HSPG2: variants seen among roughly 807,000 people sequenced by gnomAD.
HSPG2 encodes heparan sulfate proteoglycan 2, also known as basement membrane-specific heparan sulfate proteoglycan core protein.
Under a neutral mutation model 526.6 loss-of-function variants are expected in HSPG2, and 278 were observed. That is an observed-to-expected ratio of 0.53 (90% CI 0.48 to 0.58). HSPG2 has a LOEUF of 0.58. HSPG2 is among the 20% of genes least tolerant of loss of function. The pLI, the probability that HSPG2 is intolerant of heterozygous loss-of-function variation, is 0.00. For synonymous variants in HSPG2, 2,465 were observed against 2,555.4 expected, an observed-to-expected ratio of 0.96 and a Z score of 1.07; for missense variants, 5,354 against 6,099.5, an observed-to-expected ratio of 0.88 and a Z score of 4.07.
In HSPG2 at chr1:21,852,211, G is replaced by A. The variant is rs750478663; in HGVS notation, c.6747C>T (p.Ile2249=). Reference sequence around the variant, plus strand: ...CGGCCACTGTGGAGGATGAAGACTCGATCCTGACAGGTGGGATGGGTCCTG... The same window carrying A: ...CGGCCACTGTGGAGGATGAAGACTCAATCCTGACAGGTGGGATGGGTCCTG... ...VIPGPIPPVR[I]ESSSSTVAEG... Residue 2249 remains isoleucine (I), a synonymous_variant, in exon 53 of 97, where the codon ATC becomes ATT. Transcript: ENST00000374695. 9.9e-6 allele frequency: 16 copies of A among 1,614,102 alleles called. No individual in the cohort carries two copies. Among genetic ancestry groups the A allele is most frequent in the East Asian group, 8.9e-5 (4 of 44,882 alleles).
chr1:21,878,665 T>C lies in HSPG2; in HGVS notation c.2472-2A>G. The C allele has an allele frequency of 1.9e-6, 3 of 1,613,828 alleles. No homozygotes were observed. Among genetic ancestry groups the C allele is most frequent in the Non-Finnish European group, 2.5e-6 (3 of 1,179,750 alleles). On this transcript the variant is annotated splice_acceptor_variant, in intron 18 of 96. Transcript: ENST00000374695. LOFTEE classifies it high-confidence loss of function. ...TCCAGGAAGCAAGTGTCTGAGAATC[T>C]GCAGGTATCAAGTGGACAGGGCATG...
At chr1:21,896,519 G>A (rs1337155266) in intron 1 of HSPG2, among the ~76,000 whole-genome samples, 1 of 152,220 alleles carries the variant, frequency 6.6e-6, no homozygotes, top group Non-Finnish European at 1.5e-5. Context: ...AGGCTTCAGA[G>A]CCCAACCCTG....
Position 21,887,660 on chromosome 1 carries a change from C to A in HSPG2, c.718G>T (p.Gly240Cys), listed in dbSNP as rs772571689. 8 of 1,613,770 alleles carry A rather than the reference C, an allele frequency of 5.0e-6. No individual in the cohort carries two copies. Among genetic ancestry groups the A allele is most frequent in the Non-Finnish European group, 6.8e-6 (8 of 1,180,030 alleles). Residue 240 changes from glycine to cysteine, a missense_variant, in exon 8 of 97, where the codon GGT (glycine) becomes TGT (cysteine). Transcript: ENST00000374695. The surrounding 1 kb of genome is among the most constrained non-coding windows in gnomAD (Gnocchi z 5.0). ...DELNCEEPVL[G>C]ISPTFSLLVE... ...AGGAGAGAGAATGTGGGGCTGATAC[C>A]CAGGACTGGCTCCTCTGTGGATAGA...
chr1:21,884,866 T>A lies in HSPG2; in HGVS notation c.1408A>T (p.Lys470Ter). Residue 470 changes from lysine (K) to a stop codon, truncating the protein, a stop_gained, in exon 12 of 97, where the codon AAG becomes TAG. Transcript: ENST00000374695. LOFTEE classifies it high-confidence loss of function. ...GRGTLIIRDVKESDQGAYTCE... is the reference protein window; with the variant it reads ...GRGTLIIRDV ...GTGTAGGCACCCTGGTCTGACTCCTTCACATCACGGATGATCAGTGTGCCA... is the reference window on the plus strand; with the variant it reads ...GTGTAGGCACCCTGGTCTGACTCCTACACATCACGGATGATCAGTGTGCCA... 1 of 1,613,978 alleles carries A rather than the reference T, an allele frequency of 6.2e-7. No individual in the cohort carries two copies. Among genetic ancestry groups the A allele is most frequent in the Non-Finnish European group, 8.5e-7 (1 of 1,180,022 alleles).
intron 26 of HSPG2, 70 bp downstream of exon 26, chr1:21,874,821 G>T: frequency 6.6e-7 from 1 of 1,510,620 alleles, no homozygotes; most frequent in Non-Finnish European, 9.1e-7. Flanking sequence ...AGGTGTGGAG[G>T]GCTCATGGAG....
chr1:21,874,799 C>G (rs1316202141), intron 26 of HSPG2, 70 bp from the exon 27 acceptor site: 1 of 1,505,102 alleles, frequency 6.6e-7, no homozygotes, highest in African/African-American at 1.4e-5. Flanking sequence ...CACTGGATGG[C>G]CAGGGCTGGG....
rs2097992140 is a variant in HSPG2 at position 21,829,452 on chromosome 1, G to T, written c.11923C>A (p.Pro3975Thr). ...VLLFSGGKSG[P>T]VEDFVSLAMV... Reference sequence around the variant, plus strand: ...GCCAGGGACACGAAGTCCTCCACAGGCCCGCTCTTCCCCCCGCTGAACAGC... The same window carrying T: ...GCCAGGGACACGAAGTCCTCCACAGTCCCGCTCTTCCCCCCGCTGAACAGC... Residue 3975 changes from proline to threonine, a missense_variant, in exon 87 of 97, where the codon CCT (proline) becomes ACT (threonine). By Grantham distance (38) the Pro-to-Thr change is conservative. Transcript: ENST00000374695. 1.9e-5 allele frequency: 30 copies of T among 1,613,358 alleles called. No homozygotes were observed. Among genetic ancestry groups the T allele is most frequent in the Non-Finnish European group, 2.5e-5 (29 of 1,179,852 alleles).
At chr1:21,845,567 A>G (rs1396140262) in intron 64 of HSPG2, among the ~76,000 whole-genome samples, 1 of 151,950 alleles carries the variant, frequency 6.6e-6, no homozygotes, top group Non-Finnish European at 1.5e-5. Flanking sequence ...TTTAGTAGAG[A>G]TGGGGTTTCA....
rs191687773 is a variant in HSPG2 at position 21,851,574 on chromosome 1, C to T, written c.7130G>A (p.Arg2377His). The T allele has an allele frequency of 1.6e-4, 253 of 1,614,054 alleles. 1 individual carries two copies. In the East Asian group the frequency reaches 3.7e-3, roughly 23 times the overall value. ...GTGCCGGACAGGGAGGCTGCCCCCA[C>T]GCTTGTGCCACGTGACCTGGGCATG... Reference protein sequence around the residue: ...QSHAQVTWHKRGGSLPVRHQT... With the variant: ...QSHAQVTWHKHGGSLPVRHQT... Residue 2377 changes from arginine to histidine, a missense_variant, in exon 55 of 97, where the codon CGT (arginine) becomes CAT (histidine). Arg to His is a conservative substitution (Grantham distance 29). Transcript: ENST00000374695.
chr1:21,875,127 G>A, intron 25 of HSPG2, 125 bp from the exon 26 acceptor site: 1 of 748,804 alleles, frequency 1.3e-6, no homozygotes, highest in Non-Finnish European at 2.3e-6. Flanking sequence ...CTGGGGCCCT[G>A]TCCAGATCTC....
rs898285179 is a variant in HSPG2, at chr1:21,865,877, G to C, written c.4222-68C>G. 11 of 1,247,676 alleles carry C rather than the reference G, an allele frequency of 8.8e-6. No individual in the cohort carries two copies. In the African/African-American group the frequency reaches 1.5e-4, roughly 17 times the overall value. 77.3% of individuals were successfully genotyped at this position (1,247,676 alleles called of 1,614,324 possible). On this transcript the variant is annotated intron_variant, in intron 33 of 96. Coordinates refer to ENST00000374695, the MANE Select transcript of HSPG2 (RefSeq NM_005529.7). The surrounding 1 kb of genome is among the most constrained non-coding windows in gnomAD (Gnocchi z 5.4). Reference sequence around the variant, plus strand: ...TGTGAGTGTTGGACCATATAGGTGAGGGATGGAGCATCTGGCGGCCTTTTT... The same window carrying C: ...TGTGAGTGTTGGACCATATAGGTGACGGATGGAGCATCTGGCGGCCTTTTT...
chr1:21,937,233 G>GCTCT lies in HSPG2; in HGVS notation c.-20_-17dup. The GCTCT allele has an allele frequency of 3.3e-6, 3 of 896,118 alleles. No homozygotes were observed. Among genetic ancestry groups the GCTCT allele is most frequent in the Non-Finnish European group, 2.6e-6 (2 of 758,402 alleles). The allele number at this position is 896,118 out of a possible 1,614,324, so 55.5% of individuals were successfully genotyped here. A position where few individuals can be genotyped will look rare whatever the true frequency, so the allele number is the denominator to read the frequency against. On this transcript the variant is annotated 5_prime_UTR_variant, in exon 1 of 97. Coordinates refer to ENST00000374695, the MANE Select transcript of HSPG2 (RefSeq NM_005529.7). ...GCCACCCCATGGCCCGGCCCGCGCC[G>GCTCT]CTCTCTCGCTCGCTCGCTCCGCGCC...
In HSPG2 at chr1:21,839,842, G is replaced by A; in HGVS notation, c.9689C>T (p.Thr3230Ile). ...ELTVEAGHTA[T>I]LRCSATGSPA... The stretch of plus-strand genomic sequence containing the variant: ...CACACCTGTGGCTGAGCAGCGCAAG[G>A]TGGCCGTGTGTCCAGCCTCCACAGT... The change falls in exon 72 of 97, where the codon ACC (threonine) becomes ATC (isoleucine). Residue 3230 changes from threonine to isoleucine, a missense_variant. Coordinates refer to ENST00000374695, the MANE Select transcript of HSPG2 (RefSeq NM_005529.7). The surrounding 1 kb of genome is among the most constrained non-coding windows in gnomAD (Gnocchi z 4.5). The A allele has an allele frequency of 1.2e-6, 2 of 1,613,812 alleles. No individual in the cohort carries two copies. Among genetic ancestry groups the A allele is most frequent in the Non-Finnish European group, 8.5e-7 (1 of 1,180,024 alleles).
Position 21,863,775 on chromosome 1 carries a change from G to A in HSPG2, c.4740+325C>T, listed in dbSNP as rs1407595102. Among the ~76,000 whole-genome samples, 5 of 151,966 alleles carry A rather than the reference G, an allele frequency of 3.3e-5. No individual in the cohort carries two copies. In the South Asian group the frequency reaches 8.3e-4, roughly 25 times the overall value. Reference sequence around the variant, plus strand: ...TAATCCCAGCACTCTGGGAGGCCGAGGCGGGTGGGTTGCTTGAGCTCAGGA... The same window carrying A: ...TAATCCCAGCACTCTGGGAGGCCGAAGCGGGTGGGTTGCTTGAGCTCAGGA... On this transcript the variant is annotated intron_variant, in intron 37 of 96. Transcript: ENST00000374695.
In HSPG2 at chr1:21,848,788, C is replaced by T. The variant is rs1208132795; in HGVS notation, c.7592G>A (p.Gly2531Asp). The part of the protein sequence containing the change: ...QQRLSGSHSQ[G>D]VAYPVRIESS... ...CTCGATGCGGACGGGGTACGCCACA[C>T]CCTGGGCTGGGAGGGTGAGATGTAA... is the stretch of plus-strand genomic sequence containing the variant. The change falls in exon 59 of 97, where the codon GGT (glycine) becomes GAT (aspartate). Residue 2531 changes from glycine to aspartate, a missense_variant. Coordinates refer to ENST00000374695, the MANE Select transcript of HSPG2 (RefSeq NM_005529.7). The surrounding 1 kb of genome is among the most constrained non-coding windows in gnomAD (Gnocchi z 4.9). The T allele has an allele frequency of 5.0e-6, 8 of 1,613,584 alleles. No homozygotes were observed. Among genetic ancestry groups the T allele is most frequent in the African/African-American group, 2.7e-5 (2 of 74,876 alleles).
intron 37 of HSPG2, among the ~76,000 whole-genome samples, 163 bp from the exon 38 acceptor site, chr1:21,862,278 G>A (rs753147016): frequency 6.6e-6 from 1 of 152,178 alleles, no homozygotes; most frequent in Non-Finnish European, 1.5e-5. Flanking sequence ...ACTCATCTCC[G>A]TGGTGTTTAT....
At chr1:21,827,997 G>T in intron 90 of HSPG2, 33 bp downstream of exon 90, 2 of 1,613,366 alleles carry the variant, frequency 1.2e-6, no homozygotes, top group Non-Finnish European at 1.7e-6. Context: ...CCCCAAGACA[G>T]AGATGAAGTG....
chr1:21,848,226 C>T lies in HSPG2; in HGVS notation c.7738-133G>A. 1 of 1,056,488 alleles carries T rather than the reference C, an allele frequency of 9.5e-7. No individual in the cohort carries two copies. The highest frequency in any genetic ancestry group is 1.4e-6 in the Non-Finnish European group (1 of 713,464). 65.4% of individuals were successfully genotyped at this position (1,056,488 alleles called of 1,614,324 possible). A position where few individuals can be genotyped will look rare whatever the true frequency, so the allele number is the denominator to read the frequency against. ...CTCCTCAGTGGCCTTCGTGAAGCTCCCAGCATGGCATGTGGCCTGTCTCTG... is the reference window on the plus strand; with the variant it reads ...CTCCTCAGTGGCCTTCGTGAAGCTCTCAGCATGGCATGTGGCCTGTCTCTG... On this transcript the variant is annotated intron_variant, in intron 59 of 96. Coordinates refer to ENST00000374695, the MANE Select transcript of HSPG2 (RefSeq NM_005529.7). The surrounding 1 kb of genome is among the most constrained non-coding windows in gnomAD (Gnocchi z 4.9).
intron 33 of HSPG2, chr1:21,869,330 T>G: frequency 2.4e-6 from 1 of 423,928 alleles, no homozygotes; most frequent in Non-Finnish European, 3.2e-6. Flanking sequence ...AGTTGGTACA[T>G]GATTGATTTA....
Sources: allele counts gnomAD v4.1 joint callset (sites outside exome capture counted in the v4.1 genomes callset), GRCh38; gene constraint gnomAD v4.1.1; non-coding constraint Gnocchi (gnomAD v3.1); transcripts MANE v1.5; gene names NCBI Gene and HGNC (gene_info 2026-07-23, HGNC 2026-07-21).